CFAP74: variants seen among roughly 807,000 people sequenced by gnomAD.
The protein encoded by CFAP74 is cilia- and flagella-associated protein 74.
In CFAP74, 124 loss-of-function variants were observed where a neutral mutation model predicts 188.9. That is an observed-to-expected ratio of 0.66 (90% CI 0.57 to 0.76). The LOEUF is 0.76. Ranked by LOEUF, CFAP74 falls within the 30% of genes least tolerant of loss-of-function variation. CFAP74 has a pLI of 0.00. For missense variants in CFAP74, 2,198 were observed against 2,165.2 expected (o/e 1.02, Z -0.30); for synonymous variants, 956 against 916.7 (o/e 1.04, Z -0.77).
At chr1:1,967,085 C>G (rs1016213036) in intron 11 of CFAP74, among the ~76,000 whole-genome samples, 2 of 152,198 alleles carry the variant, frequency 1.3e-5, no homozygotes, top group Non-Finnish European at 1.5e-5. Flanking sequence ...ATCCACTCAC[C>G]CTAGCCTCCC....
chr1:1,941,881 C>T (rs898791603), intron 22 of CFAP74, 147 bp downstream of exon 22: 23 of 816,814 alleles, frequency 2.8e-5, no homozygotes, highest in African/African-American at 7.0e-5. Flanking sequence ...TGCCCCCCAG[C>T]GTCATGGCCT....
chr1:1,946,944 G>T, intron 19 of CFAP74, 46 bp downstream of exon 19: 1 of 1,412,164 alleles, frequency 7.1e-7, no homozygotes, highest in Non-Finnish European at 9.7e-7. Context: ...GAAGGTGGGC[G>T]GTGTCTTGGA....
At chr1:1,956,856 C>G (rs568991783) in intron 16 of CFAP74, 72 bp from the exon 17 acceptor site, 1 of 1,518,370 alleles carries the variant, frequency 6.6e-7, no homozygotes, top group Non-Finnish European at 9.0e-7. Flanking sequence ...GAGGCCTGCA[C>G]GTGGCTCCAG....
chr1:1,969,408 C>T (rs1318430610), intron 10 of CFAP74, among the ~76,000 whole-genome samples: 1 of 148,078 alleles, frequency 6.8e-6, no homozygotes, highest in Non-Finnish European at 1.5e-5. Flanking sequence ...CAGCTTAGCC[C>T]TGCCCTGCCC....
chr1:1,945,690 TG>T (rs1553222873), intron 20 of CFAP74, among the ~76,000 whole-genome samples: 4 of 151,714 alleles, frequency 2.6e-5, no homozygotes, highest in Non-Finnish European at 4.4e-5. Flanking sequence ...TAGCCAGGTG[TG>T]GTGGCACGCA....
chr1:1,943,048 C>T (rs1653494042), intron 21 of CFAP74, among the ~76,000 whole-genome samples: 1 of 152,220 alleles, frequency 6.6e-6, no homozygotes, highest in Non-Finnish European at 1.5e-5. Context: ...AGGCGGGCGC[C>T]CGGGTGCTCA....
Position 1,922,338 on chromosome 1 carries a change from C to T in CFAP74, c.4869G>A (p.Val1623=). The change falls in exon 39 of 39, where the codon GTG becomes GTA. Residue 1623 remains valine (V), a synonymous_variant. Coordinates refer to ENST00000682832, the MANE Select transcript of CFAP74 (RefSeq NM_001304360.2). ...VSALLQLRGD[V]KETYKVIFVA... ...CAAAGATGACCTTGTAGGTCTCCTT[C>T]ACATCCCCCCTTAGCTGCAGCAGGG... The T allele has an allele frequency of 1.2e-6, 2 of 1,604,898 alleles. No homozygotes were observed. Among genetic ancestry groups the T allele is most frequent in the Non-Finnish European group, 1.7e-6 (2 of 1,177,466 alleles).
chr1:1,971,942 C>G (rs746525901), intron 9 of CFAP74, 38 bp downstream of exon 9: 1 of 1,519,370 alleles, frequency 6.6e-7, no homozygotes, highest in Non-Finnish European at 9.1e-7. Context: ...CCCGGCAGGG[C>G]GCCAAGGGAG....
rs1653454173 is a variant in CFAP74, at chr1:1,942,517, G to A, written c.2487-361C>T. Reference sequence around the variant, plus strand: ...TGAGGGGTGGAACCCCTCCCTCCAGGGCTCTGCCCGCCTCCTGCCCAGGGC... The same window carrying A: ...TGAGGGGTGGAACCCCTCCCTCCAGAGCTCTGCCCGCCTCCTGCCCAGGGC... On this transcript the variant is annotated intron_variant, in intron 21 of 38. Coordinates refer to ENST00000682832, the MANE Select transcript of CFAP74 (RefSeq NM_001304360.2). The surrounding 1 kb of genome is among the most constrained non-coding windows in gnomAD (Gnocchi z 4.3). 1.3e-5 allele frequency among the ~76,000 whole-genome samples: 2 copies of A among 152,216 alleles called. No individual in the cohort carries two copies. The highest frequency in any genetic ancestry group is 4.1e-4 in the South Asian group (2 of 4,826).
rs1244067337 is a variant in CFAP74 at position 1,939,765 on chromosome 1, G to C, written c.2706C>G (p.Asn902Lys). 6.5e-7 allele frequency: 1 copy of C among 1,534,990 alleles called. No homozygotes were observed. The highest frequency in any genetic ancestry group is 2.4e-5 in the East Asian group (1 of 40,866). ...APMTIWVADQ[N>K]KPVGFTVHAI... ...CATGCACGGTGAATCCCACTGGCTT[G>C]TTCTGAGACATAAAGGGCACAGGCG... The change falls in exon 24 of 39, where the codon AAC becomes AAG. Residue 902 changes from asparagine (N) to lysine (K), a missense_variant and splice_region_variant. By Grantham distance (94) the Asn-to-Lys change is moderately conservative. Coordinates refer to ENST00000682832, the MANE Select transcript of CFAP74 (RefSeq NM_001304360.2).
chr1:1,922,496 G>A, intron 38 of CFAP74, 93 bp downstream of exon 38: 1 of 1,551,134 alleles, frequency 6.4e-7, no homozygotes, highest in East Asian at 2.3e-5. Context: ...GTCCTCCACG[G>A]CCACCTCCTC....
At chr1:1,964,432 G>A (rs1655313039) in intron 13 of CFAP74, among the ~76,000 whole-genome samples, 1 of 152,214 alleles carries the variant, frequency 6.6e-6, no homozygotes, top group Admixed American at 6.5e-5. Flanking sequence ...CCACCTCCTG[G>A]AAGAGAAGGT....
chr1:1,981,288 A>G (rs1656826175), intron 6 of CFAP74, among the ~76,000 whole-genome samples: 1 of 152,200 alleles, frequency 6.6e-6, no homozygotes, highest in Non-Finnish European at 1.5e-5. Context: ...AAAAGGAGTC[A>G]CCACATTGGC....
intron 6 of CFAP74, among the ~76,000 whole-genome samples, chr1:1,974,976 C>G (rs549123572): frequency 7.1e-4 from 108 of 152,338 alleles, no homozygotes; most frequent in African/African-American, 2.5e-3. Flanking sequence ...CTGGAGACTG[C>G]GAACGGTTCC....
At chr1:1,937,873 CACCT>C (rs1035286183) in intron 25 of CFAP74, among the ~76,000 whole-genome samples, 3 of 32,472 alleles carry the variant, frequency 9.2e-5, no homozygotes, top group African/African-American at 3.0e-4. Flanking sequence ...CAGGTCCACC[CACCT>C]GTGTCCAGAG....
intron 9 of CFAP74, among the ~76,000 whole-genome samples, chr1:1,971,223 G>C (rs529215139): frequency 7.0e-6 from 1 of 142,702 alleles, no homozygotes; most frequent in African/African-American, 2.7e-5. Context: ...ACACATACGC[G>C]TGCACGCCTG....
chr1:1,926,742 G>T lies in CFAP74; in HGVS notation c.3682C>A (p.Leu1228Met). 1 of 1,550,128 alleles carries T rather than the reference G, an allele frequency of 6.5e-7. No individual in the cohort carries two copies. Residue 1228 changes from leucine (L) to methionine (M), a missense_variant, in exon 30 of 39, where the codon CTG (leucine) becomes ATG (methionine). By Grantham distance (15) the Leu-to-Met change is conservative (BLOSUM62 2). Coordinates refer to ENST00000682832, the MANE Select transcript of CFAP74 (RefSeq NM_001304360.2). ...LSFSPHNTLY[L>M]ELWCPTVAPS... ...GCCACCGTCGGGCACCACAGCTCCAGGTACAGGGTGTTGTGGGGGCTGGGA... is the reference window on the plus strand; with the variant it reads ...GCCACCGTCGGGCACCACAGCTCCATGTACAGGGTGTTGTGGGGGCTGGGA...
In CFAP74 at chr1:1,931,924, G is replaced by A. The variant is rs112996773; in HGVS notation, c.3012-1588C>T. The stretch of plus-strand genomic sequence containing the variant: ...CTGAAAAAAATGCAAAAGTTAGCTG[G>A]GCGTGGTGGCCGGTGCCTGTAATCC... On this transcript the variant is annotated intron_variant, in intron 25 of 38. Coordinates refer to ENST00000682832, the MANE Select transcript of CFAP74 (RefSeq NM_001304360.2). 2.1e-3 allele frequency among the ~76,000 whole-genome samples: 324 copies of A among 151,492 alleles called. 1 individual carries two copies. Among genetic ancestry groups the A allele is most frequent in the African/African-American group, 7.5e-3 (311 of 41,302 alleles).
At position 1,940,232 on chromosome 1, in the gene CFAP74, G is replaced by A. The variant is rs541265398; in HGVS notation, c.2703+84C>T. 8.0e-5 allele frequency: 88 copies of A among 1,105,206 alleles called. 1 individual carries two copies. In the African/African-American group the frequency reaches 9.8e-4, roughly 12 times the overall value. The allele number at this position is 1,105,206 out of a possible 1,614,324, so 68.5% of individuals were successfully genotyped here. A position where few individuals can be genotyped will look rare whatever the true frequency, so the allele number is the denominator to read the frequency against. Reference sequence around the variant, plus strand: ...AGGATGAGCCCTTTTGGGGGCCCTCGCCCGGGTGCTGGGCCTGGCCTCCCA... The same window carrying A: ...AGGATGAGCCCTTTTGGGGGCCCTCACCCGGGTGCTGGGCCTGGCCTCCCA... On this transcript the variant is annotated intron_variant, in intron 23 of 38. Coordinates refer to ENST00000682832, the MANE Select transcript of CFAP74 (RefSeq NM_001304360.2).
Sources: gnomAD v4.1 joint callset for allele counts (sites outside exome capture counted in the v4.1 genomes callset) on GRCh38, gnomAD v4.1.1 for gene constraint, Gnocchi (gnomAD v3.1) non-coding constraint, MANE v1.5 for transcripts, NCBI Gene and HGNC (gene_info 2026-07-23, HGNC 2026-07-21) for gene names.